VIPR1: variants seen among roughly 807,000 people sequenced by gnomAD.
VIPR1 encodes vasoactive intestinal polypeptide receptor 1.
Under a neutral mutation model 58.8 loss-of-function variants are expected in VIPR1, and 59 were observed. That is an observed-to-expected ratio of 1.00 (90% CI 0.81 to 1.25). The LOEUF (loss-of-function observed/expected upper bound fraction) is 1.25. Among genes scored for constraint, VIPR1 ranks in the 50% most tolerant of loss-of-function variants. The probability of loss-of-function intolerance (pLI) is 0.00; values close to 1 mark genes in which losing one functional copy is unlikely to be tolerated. For synonymous variants in VIPR1, 251 were observed against 242.1 expected (o/e 1.04, Z -0.34); for missense variants, 626 against 602.7 (o/e 1.04, Z -0.40).
chr3:42,536,086 C>G lies in VIPR1; in HGVS notation c.1183-4C>G. The G allele has an allele frequency of 6.3e-7, 1 of 1,593,608 alleles. No homozygotes were observed. The highest frequency in any genetic ancestry group is 8.5e-7 in the Non-Finnish European group (1 of 1,170,502). On this transcript the variant is annotated splice_polypyrimidine_tract_variant and splice_region_variant and intron_variant, in intron 12 of 12. Transcript: ENST00000325123. The stretch of plus-strand genomic sequence containing the variant: ...GTGGGCCTGACCACCTTCCCCTCTC[C>G]TAGGTGCAGGCGGAGCTGAGGCGGA...
At chr3:42,522,209 C>T (rs1700984170) in intron 3 of VIPR1, among the ~76,000 whole-genome samples, 1 of 144,828 alleles carries the variant, frequency 6.9e-6, no homozygotes, top group Non-Finnish European at 1.5e-5. Flanking sequence ...CCTTCCGGGT[C>T]CACACCATTC....
At chr3:42,501,495 C>A (rs1297175446), upstream of VIPR1, among the ~76,000 whole-genome samples, 1 of 152,252 alleles carries the variant, frequency 6.6e-6, no homozygotes, top group South Asian at 2.1e-4. This position sits in a 1 kb window ranked among gnomAD's most constrained non-coding sequence, Gnocchi z 4.8. Context: ...GCGACCACAT[C>A]TCCAGCCTCG....
chr3:42,535,370 T>C lies in VIPR1; in HGVS notation c.1168T>C (p.Phe390Leu), dbSNP rs1701790263. 4 of 1,613,992 alleles carry C rather than the reference T, an allele frequency of 2.5e-6. No individual in the cohort carries two copies. The South Asian group carries it at 4.4e-5, about 18-fold the overall frequency. ...QGFVVAILYC[F>L]LNGEVQAELR... Reference sequence around the variant, plus strand: ...TTTTGTGGTGGCTATCCTCTACTGCTTCCTCAATGGTGAGGTAAGCCCCTC... The same window carrying C: ...TTTTGTGGTGGCTATCCTCTACTGCCTCCTCAATGGTGAGGTAAGCCCCTC... The change falls in exon 12 of 13, where the codon TTC (phenylalanine) becomes CTC (leucine). Residue 390 changes from phenylalanine (F) to leucine (L), a missense_variant. Transcript: ENST00000325123.
At chr3:42,515,638 G>C (rs1351755394) in intron 2 of VIPR1, among the ~76,000 whole-genome samples, 1 of 152,252 alleles carries the variant, frequency 6.6e-6, no homozygotes, top group African/African-American at 2.4e-5. Flanking sequence ...GGCCAGCATA[G>C]GTTGTGGCCA....
At position 42,532,309 on chromosome 3, in the gene VIPR1, G is replaced by A; in HGVS notation, c.986G>A (p.Arg329Lys). 6.2e-7 allele frequency: 1 copy of A among 1,614,124 alleles called. No homozygotes were observed. ...CAGAAACTGCGGCCCCCAGATATCA[G>A]GAAGAGTGACAGCAGTCCATACTCG... is the stretch of plus-strand genomic sequence containing the variant. ...LLQKLRPPDI[R>K]KSDSSPYSRL... The change falls in exon 10 of 13, where the codon AGG becomes AAG. Residue 329 changes from arginine (R) to lysine (K), a missense_variant. Arg to Lys is a conservative substitution (Grantham distance 26). Coordinates refer to ENST00000325123, the MANE Select transcript of VIPR1 (RefSeq NM_004624.4).
chr3:42,504,607 AGAG>A (rs1700022282), intron 1 of VIPR1, among the ~76,000 whole-genome samples: 1 of 151,654 alleles, frequency 6.6e-6, no homozygotes, highest in Non-Finnish European at 1.5e-5. Flanking sequence ...GTCCACAGAG[AGAG>A]GAGAAGGGAC....
chr3:42,510,633 G>A (rs983378310), intron 1 of VIPR1, among the ~76,000 whole-genome samples: 7 of 152,180 alleles, frequency 4.6e-5, no homozygotes. Context: ...ATCTGGGAAT[G>A]CGCATTTGCT....
chr3:42,496,775 A>G (rs193299560), intron 1 of VIPR1, among the ~76,000 whole-genome samples: 1 of 152,216 alleles, frequency 6.6e-6, no homozygotes, highest in African/African-American at 2.4e-5. Context: ...ACATGATTTG[A>G]TGCTTCTATT....
At chr3:42,516,036 T>C (rs1194566488) in intron 2 of VIPR1, among the ~76,000 whole-genome samples, 1 of 152,196 alleles carries the variant, frequency 6.6e-6, no homozygotes, top group Non-Finnish European at 1.5e-5. Flanking sequence ...TTTGCATGTG[T>C]GCCTGGTGTT....
chr3:42,499,487 C>T (rs2125626263), upstream of VIPR1, among the ~76,000 whole-genome samples: 1 of 152,300 alleles, frequency 6.6e-6, no homozygotes, highest in Admixed American at 6.5e-5. Flanking sequence ...CCTTGGCACC[C>T]ATGTGATTCT....
At chr3:42,498,406 C>T (rs1699806909), upstream of VIPR1, among the ~76,000 whole-genome samples, 1 of 152,184 alleles carries the variant, frequency 6.6e-6, no homozygotes, top group African/African-American at 2.4e-5. Context: ...GAGTTTCTCT[C>T]TGCCCAATCC....
intron 1 of VIPR1, among the ~76,000 whole-genome samples, chr3:42,491,465 G>A (rs1332824319): frequency 6.6e-6 from 1 of 152,218 alleles, no homozygotes; most frequent in Non-Finnish European, 1.5e-5. Flanking sequence ...CATGGTTGAG[G>A]TAGAGGGACA....
rs1008789475 is a variant in VIPR1 at position 42,525,980 on chromosome 3, C to T, written c.386C>T (p.Ala129Val). The change falls in exon 4 of 13, where the codon GCG (alanine) becomes GTG (valine). Residue 129 changes from alanine to valine, a missense_variant. By Grantham distance (64) the Ala-to-Val change is moderately conservative. Coordinates refer to ENST00000325123, the MANE Select transcript of VIPR1 (RefSeq NM_004624.4). ...PIACGLDDKA[A>V]SLDEQQTMFY... ...GCCTGTGGTTTGGATGACAAGGCAG[C>T]GAGTTTGGATGAGGTGGGTCTCAGG... is the stretch of plus-strand genomic sequence containing the variant. 9.9e-6 allele frequency: 16 copies of T among 1,612,292 alleles called. No homozygotes were observed. The highest frequency in any genetic ancestry group is 5.0e-5 in the Admixed American group (3 of 59,818).
chr3:42,501,634 G>C (rs1699873022), upstream of VIPR1, among the ~76,000 whole-genome samples: 1 of 152,246 alleles, frequency 6.6e-6, no homozygotes, highest in Admixed American at 6.5e-5. The surrounding 1 kb of genome is among the most constrained non-coding windows in gnomAD (Gnocchi z 4.8). Context: ...AACGAGAAAA[G>C]GGGCTGACCC....
rs3733055 is a variant in VIPR1 at position 42,536,241 on chromosome 3, G to T, written c.1334G>T (p.Arg445Leu). Reference protein sequence around the residue: ...SMLTRVSPGARRSSSFQAEVS... With the variant: ...SMLTRVSPGALRSSSFQAEVS... ...CTGACCCGCGTCAGCCCAGGTGCCC[G>T]CCGCTCCTCCAGCTTCCAAGCCGAA... Residue 445 changes from arginine (R) to leucine (L), a missense_variant, in exon 13 of 13, where the codon CGC (arginine) becomes CTC (leucine). Coordinates refer to ENST00000325123, the MANE Select transcript of VIPR1 (RefSeq NM_004624.4). 1,950 of 1,584,940 alleles carry T rather than the reference G, an allele frequency of 1.2e-3. 40 individuals carry two copies. In the East Asian group the frequency reaches 0.037, roughly 30 times the overall value.
chr3:42,528,056 C>A lies in VIPR1; in HGVS notation c.569C>A (p.Ala190Asp), dbSNP rs765523564. 2 of 1,613,984 alleles carry A rather than the reference C, an allele frequency of 1.2e-6. No individual in the cohort carries two copies. The highest frequency in any genetic ancestry group is 1.7e-6 in the Non-Finnish European group (2 of 1,179,986). ...HLFISFILRA[A>D]AVFIKDLALF... ...TTCATATCCTTCATCCTGAGGGCTG[C>A]CGCTGTCTTCATCAAAGACTTGGCC... is the stretch of plus-strand genomic sequence containing the variant. Residue 190 changes from alanine to aspartate, a missense_variant, in exon 6 of 13, where the codon GCC (alanine) becomes GAC (aspartate). Ala to Asp is a moderately radical substitution (Grantham distance 126). Transcript: ENST00000325123.
chr3:42,529,182 G>A (rs528596080), intron 6 of VIPR1, among the ~76,000 whole-genome samples: 22 of 152,266 alleles, frequency 1.4e-4, no homozygotes, highest in Middle Eastern at 3.4e-3. Context: ...GGCCAGACGC[G>A]GATTATGGCT....
intron 6 of VIPR1, 28 bp downstream of exon 6, chr3:42,528,151 C>T (rs372978724): frequency 8.3e-5 from 133 of 1,609,092 alleles, no homozygotes; most frequent in Non-Finnish European, 1.0e-4. Flanking sequence ...GGCCCACCTC[C>T]CTCAGTCTCG....
intron 3 of VIPR1, among the ~76,000 whole-genome samples, chr3:42,522,547 A>C (rs775496865): frequency 6.6e-6 from 1 of 152,098 alleles, no homozygotes; most frequent in Non-Finnish European, 1.5e-5. Context: ...CACCTGCATC[A>C]TGATGCTATA....
Sources: gnomAD v4.1 joint callset for allele counts (sites outside exome capture counted in the v4.1 genomes callset) on GRCh38, gnomAD v4.1.1 for gene constraint, Gnocchi (gnomAD v3.1) non-coding constraint, MANE v1.5 for transcripts, NCBI Gene and HGNC (gene_info 2026-07-23, HGNC 2026-07-21) for gene names.